The following HS6ST3 variants were observed in gnomAD, a reference collection of about 807,000 sequenced individuals.
HS6ST3 encodes the protein heparan sulfate 6-O-sulfotransferase 3.
A neutral mutation model predicts 36.7 loss-of-function variants in HS6ST3; 12 were observed. That is an observed-to-expected ratio of 0.33 (90% CI 0.21 to 0.53). The LOEUF is 0.53. Among genes scored for constraint, HS6ST3 ranks in the 20% least tolerant of loss-of-function variants. The pLI, the probability that HS6ST3 is intolerant of heterozygous loss-of-function variation, is 0.95. For missense variants in HS6ST3, 584 were observed against 640.9 expected, an observed-to-expected ratio of 0.91 and a Z score of 0.96; for synonymous variants, 240 against 257.5, an observed-to-expected ratio of 0.93 and a Z score of 0.65.
At chr13:96,175,544 T>C (rs1056013510) in intron 1 of HS6ST3, among the ~76,000 whole-genome samples, 17 of 152,096 alleles carry the variant, frequency 1.1e-4, no homozygotes, top group African/African-American at 3.4e-4. Flanking sequence ...TTCTTTTTTT[T>C]CCCTGAAATT....
At chr13:96,692,995 T>G (rs1428314978) in intron 1 of HS6ST3, among the ~76,000 whole-genome samples, 2 of 152,218 alleles carry the variant, frequency 1.3e-5, no homozygotes, top group African/African-American at 4.8e-5. Context: ...GGTTTCCATT[T>G]GAGAACTTAA....
At chr13:96,340,983 CAT>C (rs2055127357) in intron 1 of HS6ST3, among the ~76,000 whole-genome samples, 1 of 152,108 alleles carries the variant, frequency 6.6e-6, no homozygotes, top group Admixed American at 6.5e-5. Flanking sequence ...AAAAATCAAG[CAT>C]TTATTCCCAA....
chr13:96,168,212 TAGA>T (rs2054170210), intron 1 of HS6ST3, among the ~76,000 whole-genome samples: 1 of 152,118 alleles, frequency 6.6e-6, no homozygotes, highest in African/African-American at 2.4e-5. Context: ...ATGTGCTGTC[TAGA>T]AGGAGGGATG....
At chr13:96,266,315 T>G (rs1027357799) in intron 1 of HS6ST3, among the ~76,000 whole-genome samples, 1 of 152,010 alleles carries the variant, frequency 6.6e-6, no homozygotes, top group Non-Finnish European at 1.5e-5. Context: ...CCTGAGAGGG[T>G]TTGGTGCAGG....
chr13:96,171,956 T>G lies in HS6ST3; in HGVS notation c.707+80387T>G, dbSNP rs189768422. On this transcript the variant is annotated intron_variant, in intron 1 of 1. Coordinates refer to ENST00000376705, the MANE Select transcript of HS6ST3 (RefSeq NM_153456.4). ...GATTGAAAGAAAAAATATTTATATT[T>G]AATTCATAAATAACTACAATTACTT... Among the ~76,000 whole-genome samples, 1,427 of 152,202 alleles carry G rather than the reference T, an allele frequency of 9.4e-3. 15 individuals are homozygous for G. The highest frequency in any genetic ancestry group is 0.033 in the African/African-American group (1,352 of 41,492).
chr13:96,446,642 G>T (rs987766694), intron 1 of HS6ST3, among the ~76,000 whole-genome samples: 65 of 152,148 alleles, frequency 4.3e-4, no homozygotes, highest in Admixed American at 4.3e-3. Context: ...TGCAACTTTG[G>T]CAGTGGAAAA....
rs116614389 is a variant in HS6ST3, at chr13:96,109,221, G to A, written c.707+17652G>A. 9.3e-3 allele frequency among the ~76,000 whole-genome samples: 1,418 copies of A among 152,212 alleles called. 28 individuals are homozygous for A. The highest frequency in any genetic ancestry group is 0.033 in the African/African-American group (1,359 of 41,524). On this transcript the variant is annotated intron_variant, in intron 1 of 1. Transcript: ENST00000376705. ...CATTGCCCGATACATGAGATTTTCC[G>A]GTAGACAGATGACCTCACAGAGAAT...
intron 1 of HS6ST3, among the ~76,000 whole-genome samples, chr13:96,517,764 T>G (rs903573116): frequency 1.3e-5 from 2 of 152,088 alleles, no homozygotes; most frequent in African/African-American, 4.8e-5. Context: ...CCCCCCACTC[T>G]CAAGCAGGCC....
chr13:96,656,156 A>T (rs930795904), intron 1 of HS6ST3, among the ~76,000 whole-genome samples: 1 of 152,178 alleles, frequency 6.6e-6, no homozygotes, highest in Non-Finnish European at 1.5e-5. Flanking sequence ...ATTATTGAAG[A>T]TAACTAATGT....
chr13:96,468,289 A>AT (rs1053089122), intron 1 of HS6ST3, among the ~76,000 whole-genome samples: 9 of 152,106 alleles, frequency 5.9e-5, no homozygotes, highest in African/African-American at 1.4e-4. Flanking sequence ...TTGAATGGGC[A>AT]TTTTTTCCTC....
At chr13:96,476,107 A>G (rs539729319) in intron 1 of HS6ST3, among the ~76,000 whole-genome samples, 25 of 152,350 alleles carry the variant, frequency 1.6e-4, no homozygotes, top group Middle Eastern at 3.4e-3. Flanking sequence ...AAAGGGATGA[A>G]TGGTACATTC....
intron 1 of HS6ST3, among the ~76,000 whole-genome samples, chr13:96,417,732 T>TCACACACACACACACACACACA (rs1211935095): frequency 1.5e-4 from 21 of 137,300 alleles, no homozygotes; most frequent in African/African-American, 5.5e-4. Context: ...ATAGCTTATT[T>TCACACACACACACACACACACA]CACACACACA....
At chr13:96,633,204 G>T (rs981461253) in intron 1 of HS6ST3, among the ~76,000 whole-genome samples, 2 of 152,134 alleles carry the variant, frequency 1.3e-5, no homozygotes, top group Admixed American at 1.3e-4. Flanking sequence ...GGCATGGAAA[G>T]GCAGGAACAT....
At chr13:96,268,039 G>A (rs1175637215) in intron 1 of HS6ST3, among the ~76,000 whole-genome samples, 3 of 151,896 alleles carry the variant, frequency 2.0e-5, no homozygotes, top group Admixed American at 1.3e-4. Flanking sequence ...AAGCTCTGAT[G>A]TCTCTTCATC....
At chr13:96,473,722 G>C (rs887228745) in intron 1 of HS6ST3, among the ~76,000 whole-genome samples, 1 of 152,136 alleles carries the variant, frequency 6.6e-6, no homozygotes, top group Non-Finnish European at 1.5e-5. Flanking sequence ...TTTGGAATAG[G>C]AAGGTCGAGT....
chr13:96,246,241 AGC>A (rs1462240811), intron 1 of HS6ST3, among the ~76,000 whole-genome samples: 1 of 152,150 alleles, frequency 6.6e-6, no homozygotes, highest in African/African-American at 2.4e-5. Flanking sequence ...GAAGACACAC[AGC>A]CAGTGTAGCC....
At chr13:96,612,750 A>G (rs1241215608) in intron 1 of HS6ST3, among the ~76,000 whole-genome samples, 1 of 152,082 alleles carries the variant, frequency 6.6e-6, no homozygotes, top group African/African-American at 2.4e-5. Flanking sequence ...TTGCCCTTCC[A>G]TTCTAAATTC....
chr13:96,404,047 CTGTTTCTG>C (rs1392222626), intron 1 of HS6ST3, among the ~76,000 whole-genome samples: 15 of 152,200 alleles, frequency 9.9e-5, no homozygotes, highest in Admixed American at 7.9e-4. Context: ...TTAAAATGAA[CTGTTTCTG>C]TAGAATAGTG....
At chr13:96,278,432 G>A (rs1024599811) in intron 1 of HS6ST3, among the ~76,000 whole-genome samples, 7 of 152,148 alleles carry the variant, frequency 4.6e-5, no homozygotes, top group Non-Finnish European at 7.4e-5. Context: ...CTTTTTTAAA[G>A]AAGGGTTCAG....
Sources: gnomAD v4.1 joint callset for allele counts (sites outside exome capture counted in the v4.1 genomes callset) on GRCh38, gnomAD v4.1.1 for gene constraint, MANE v1.5 for transcripts, NCBI Gene and HGNC (gene_info 2026-07-23, HGNC 2026-07-21) for gene names.